Variants in CDC42BPA observed in about 807,000 individuals in gnomAD.
CDC42BPA encodes serine/threonine-protein kinase MRCK alpha.
In CDC42BPA, 80 loss-of-function variants were observed where a neutral mutation model predicts 223.5. The ratio of observed to expected loss-of-function variants is 0.36; its 90% confidence interval spans 0.30 to 0.43. The LOEUF (loss-of-function observed/expected upper bound fraction) is 0.43. Among genes scored for constraint, CDC42BPA ranks in the 20% least tolerant of loss-of-function variants. The pLI, the probability that CDC42BPA is intolerant of heterozygous loss-of-function variation, is 1.00. For missense variants in CDC42BPA, 1,743 were observed against 2,099.9 expected (o/e 0.83, Z 3.32); for synonymous variants, 694 against 718.6 (o/e 0.97, Z 0.55).
At position 227,092,915 on chromosome 1, in the gene CDC42BPA, T is replaced by A. The variant is rs573025388; in HGVS notation, c.2250-924A>T. ...TATTACCCCTAAATACTCCAGTGTGTATCTTTCAAAGTCAAGGACACTCTA... is the reference window on the plus strand; with the variant it reads ...TATTACCCCTAAATACTCCAGTGTGAATCTTTCAAAGTCAAGGACACTCTA... On this transcript the variant is annotated intron_variant, in intron 15 of 36. Transcript: ENST00000366766. Among the ~76,000 whole-genome samples the A allele has an allele frequency of 7.2e-5, 11 of 152,316 alleles. No homozygotes were observed. In the East Asian group the frequency reaches 2.1e-3, roughly 29 times the overall value.
chr1:227,179,303 A>G (rs766627956), intron 5 of CDC42BPA, among the ~76,000 whole-genome samples: 1 of 152,042 alleles, frequency 6.6e-6, no homozygotes, highest in Non-Finnish European at 1.5e-5. Flanking sequence ...CACTGTACAC[A>G]TTAATGAGTG....
At position 226,994,376 on chromosome 1, in the gene CDC42BPA, G is replaced by A; in HGVS notation, c.5157C>T (p.Ser1719=). 1 of 1,575,250 alleles carries A rather than the reference G, an allele frequency of 6.3e-7. No homozygotes were observed. The highest frequency in any genetic ancestry group is 8.6e-7 in the Non-Finnish European group (1 of 1,158,686). Residue 1719 remains serine (S), a synonymous_variant, in exon 37 of 37, where the codon TCC becomes TCT. Coordinates refer to ENST00000366766, the MANE Select transcript of CDC42BPA (RefSeq NM_001394014.1). This position sits in a 1 kb window ranked among gnomAD's most constrained non-coding sequence, Gnocchi z 4.0. ...TTAGGTTGGAACTGTTGGAAGCTGTGGAATGCCTCGGAGAGTCAGAGTCCT... is the reference window on the plus strand; with the variant it reads ...TTAGGTTGGAACTGTTGGAAGCTGTAGAATGCCTCGGAGAGTCAGAGTCCT... The part of the protein sequence containing the change: ...DGEDSDSPRH[S]TASNSSNLSS...
intron 2 of CDC42BPA, among the ~76,000 whole-genome samples, chr1:227,228,712 C>A (rs1440464976): frequency 6.6e-6 from 1 of 152,154 alleles, no homozygotes; most frequent in Non-Finnish European, 1.5e-5. Flanking sequence ...TTGCCTATTA[C>A]AGCCATCTCA....
rs571543627 is a variant in CDC42BPA at position 227,266,875 on chromosome 1, C to T, written c.179-12720G>A. Among the ~76,000 whole-genome samples, 293 of 152,262 alleles carry T rather than the reference C, an allele frequency of 1.9e-3. 3 individuals carry two copies. Among genetic ancestry groups the T allele is most frequent in the African/African-American group, 6.1e-3 (253 of 41,556 alleles). On this transcript the variant is annotated intron_variant, in intron 1 of 36. Coordinates refer to ENST00000366766, the MANE Select transcript of CDC42BPA (RefSeq NM_001394014.1). ...GTGACCTAAATAGTCCATTTATTTACGTTTTTAAACTAATTTCTGACAATT... is the reference window on the plus strand; with the variant it reads ...GTGACCTAAATAGTCCATTTATTTATGTTTTTAAACTAATTTCTGACAATT...
At chr1:227,150,165 A>G (rs993169108) in intron 6 of CDC42BPA, among the ~76,000 whole-genome samples, 4 of 150,932 alleles carry the variant, frequency 2.7e-5, no homozygotes, top group Non-Finnish European at 5.9e-5. Context: ...TTGAGGTTGC[A>G]GTGAGCAGAG....
chr1:227,029,315 T>C, intron 29 of CDC42BPA, 65 bp from the exon 30 acceptor site: 1 of 1,059,526 alleles, frequency 9.4e-7, no homozygotes, highest in South Asian at 1.7e-5. Context: ...CCAATTATAC[T>C]CAAAAGGATG....
intron 1 of CDC42BPA, among the ~76,000 whole-genome samples, chr1:227,268,847 G>A (rs1310811078): frequency 6.7e-6 from 1 of 148,332 alleles, no homozygotes; most frequent in Non-Finnish European, 1.5e-5. Context: ...TACTACGCCT[G>A]GCTAATTTTT....
chr1:227,309,143 A>C (rs1186104382), intron 1 of CDC42BPA, among the ~76,000 whole-genome samples: 1 of 151,388 alleles, frequency 6.6e-6, no homozygotes, highest in Non-Finnish European at 1.5e-5. Context: ...AGGTCAGAGA[A>C]TTGCTTGAGG....
chr1:227,311,753 C>T (rs146151676), intron 1 of CDC42BPA, among the ~76,000 whole-genome samples: 2 of 152,026 alleles, frequency 1.3e-5, no homozygotes, highest in Admixed American at 1.3e-4. Flanking sequence ...TATCATTCAA[C>T]AAGTCAGACT....
At chr1:227,256,948 G>GACACACACACACAC (rs55961981) in intron 1 of CDC42BPA, among the ~76,000 whole-genome samples, 2,452 of 141,054 alleles carry the variant, frequency 0.017, 32 homozygotes, top group East Asian at 0.041. Context: ...TATATATACA[G>GACACACACACACAC]ACACACACAC....
intron 5 of CDC42BPA, chr1:227,182,820 G>A (rs1383159874): frequency 2.0e-5 from 3 of 152,224 alleles, no homozygotes; most frequent in African/African-American, 7.2e-5. Context: ...GTGTTAGAAG[G>A]TGGGATAATT....
chr1:227,250,322 T>C (rs975199903), intron 2 of CDC42BPA, among the ~76,000 whole-genome samples: 1 of 151,930 alleles, frequency 6.6e-6, no homozygotes, highest in African/African-American at 2.4e-5. Context: ...ACCACATGTC[T>C]ACTAAAAATA....
rs73094363 is a variant in CDC42BPA at position 227,217,798 on chromosome 1, T to A, written c.271-4579A>T. On this transcript the variant is annotated intron_variant, in intron 2 of 36. Coordinates refer to ENST00000366766, the MANE Select transcript of CDC42BPA (RefSeq NM_001394014.1). ...CTTTGCACTTGTTGATCCCTAGGCC[T>A]GGAATATTCTAGCCCCACGAAGCCA... 9.1e-3 allele frequency among the ~76,000 whole-genome samples: 1,386 copies of A among 152,290 alleles called. 24 individuals carry two copies. The highest frequency in any genetic ancestry group is 0.032 in the African/African-American group (1,323 of 41,554).
intron 21 of CDC42BPA, among the ~76,000 whole-genome samples, chr1:227,063,405 C>T (rs1337985861): frequency 6.6e-6 from 1 of 151,880 alleles, no homozygotes; most frequent in Non-Finnish European, 1.5e-5. Context: ...CATAATTTGG[C>T]TAATAGTTTT....
intron 23 of CDC42BPA, among the ~76,000 whole-genome samples, chr1:227,044,165 T>C (rs540373867): frequency 1.6e-4 from 24 of 152,362 alleles, no homozygotes; most frequent in African/African-American, 5.8e-4. Flanking sequence ...ATTATTTATA[T>C]CACTTGCCAA....
intron 5 of CDC42BPA, among the ~76,000 whole-genome samples, chr1:227,167,032 TAGATAAAC>T (rs1665163776): frequency 6.6e-6 from 1 of 152,082 alleles, no homozygotes; most frequent in East Asian, 1.9e-4. Flanking sequence ...GAAAAGTAGG[TAGATAAAC>T]ATCTACCTAT....
chr1:227,276,469 C>T (rs940230907), intron 1 of CDC42BPA, among the ~76,000 whole-genome samples: 1 of 151,416 alleles, frequency 6.6e-6, no homozygotes, highest in African/African-American at 2.4e-5. Flanking sequence ...AGCCCCCGCT[C>T]GGCCAGCCGC....
At chr1:227,082,621 A>G (rs1479490804) in intron 16 of CDC42BPA, among the ~76,000 whole-genome samples, 1 of 147,878 alleles carries the variant, frequency 6.8e-6, no homozygotes, top group African/African-American at 2.5e-5. Flanking sequence ...AGGCTGAGGC[A>G]GGATAATTGC....
At chr1:227,197,387 C>T (rs1338759174) in intron 4 of CDC42BPA, among the ~76,000 whole-genome samples, 2 of 152,086 alleles carry the variant, frequency 1.3e-5, no homozygotes, top group Non-Finnish European at 2.9e-5. Flanking sequence ...GAAACACTGG[C>T]AAGTTACAGG....
Sources: allele counts gnomAD v4.1 joint callset (sites outside exome capture counted in the v4.1 genomes callset), GRCh38; gene constraint gnomAD v4.1.1; non-coding constraint Gnocchi (gnomAD v3.1); transcripts MANE v1.5; gene names NCBI Gene and HGNC (gene_info 2026-07-23, HGNC 2026-07-21).